Variants in ZNF536 observed in about 807,000 individuals in gnomAD.
ZNF536 encodes zinc finger protein 536.
In ZNF536, 13 loss-of-function variants were observed where a neutral mutation model predicts 84.5. That is an observed-to-expected ratio of 0.15 (90% CI 0.10 to 0.24). The LOEUF is 0.24. ZNF536 is among the 10% of genes least tolerant of loss of function. The probability of loss-of-function intolerance (pLI) is 1.00; values close to 1 mark genes in which losing one functional copy is unlikely to be tolerated. For synonymous variants in ZNF536, 811 were observed against 742.5 expected (o/e 1.09, Z -1.50); for missense variants, 1,536 against 1,747.5 (o/e 0.88, Z 2.16).
At chr19:30,496,859 A>AG (rs1424500229) in intron 2 of ZNF536, among the ~76,000 whole-genome samples, 7 of 151,934 alleles carry the variant, frequency 4.6e-5, no homozygotes, top group Admixed American at 2.0e-4. Context: ...ACGAGGGGCG[A>AG]GGGGCACTGT....
chr19:30,262,002 G>A (rs1453881798), intron 1 of ZNF536, among the ~76,000 whole-genome samples: 4 of 152,160 alleles, frequency 2.6e-5, no homozygotes, highest in Admixed American at 2.0e-4. Flanking sequence ...GCACTTCTGC[G>A]TCTCATTGGC....
chr19:30,307,806 ATTTT>A (rs1411612372), intron 2 of ZNF536, among the ~76,000 whole-genome samples: 1 of 152,022 alleles, frequency 6.6e-6, no homozygotes, highest in African/African-American at 2.4e-5. Context: ...GGTGCCTGAC[ATTTT>A]CTTCTCACTG....
intron 1 of ZNF536, among the ~76,000 whole-genome samples, chr19:30,704,647 CAAAAAAAAA>C (rs970475752): frequency 3.7e-5 from 2 of 53,470 alleles, no homozygotes; most frequent in Non-Finnish European, 7.0e-5. Context: ...GAGTCCATCT[CAAAAAAAAA>C]AAAAAAAAAA....
intron 4 of ZNF536, among the ~76,000 whole-genome samples, chr19:30,553,740 G>T: frequency 6.6e-6 from 1 of 152,234 alleles, no homozygotes; most frequent in Non-Finnish European, 1.5e-5. Flanking sequence ...TGAGGCAGGG[G>T]CGTTGCATAA....
intron 1 of ZNF536, among the ~76,000 whole-genome samples, chr19:30,700,564 T>A (rs2051897796): frequency 6.6e-6 from 1 of 151,924 alleles, no homozygotes; most frequent in Non-Finnish European, 1.5e-5. Flanking sequence ...ATTTTAAAAT[T>A]TTTGTAGGGA....
rs79221859 is a variant in ZNF536 at position 30,477,548 on chromosome 19, G to A, written c.2170+31816G>A. ...TAAGCAGAAATTTCTGCTTTGTGGC[G>A]TGAAGAAAGCAGAGTATTCCAGCAG... On this transcript the variant is annotated intron_variant, in intron 2 of 4. Transcript: ENST00000355537. 7.3e-3 allele frequency among the ~76,000 whole-genome samples: 1,108 copies of A among 152,274 alleles called. 9 individuals are homozygous for A. Among genetic ancestry groups the A allele is most frequent in the African/African-American group, 0.025 (1,028 of 41,530 alleles).
chr19:30,453,285 G>A (rs938571846), intron 2 of ZNF536, among the ~76,000 whole-genome samples: 1 of 152,180 alleles, frequency 6.6e-6, no homozygotes, highest in African/African-American at 2.4e-5. Context: ...GGTTTCCCTG[G>A]GAGCCAGGTA....
chr19:30,344,828 G>A (rs1375736903), intron 2 of ZNF536, among the ~76,000 whole-genome samples: 3 of 152,286 alleles, frequency 2.0e-5, no homozygotes, highest in South Asian at 2.1e-4. Flanking sequence ...GTCAGACAGC[G>A]AGACAGTGAC....
intron 1 of ZNF536, among the ~76,000 whole-genome samples, chr19:30,417,791 G>A (rs1419093810): frequency 6.6e-6 from 1 of 152,138 alleles, no homozygotes; most frequent in Non-Finnish European, 1.5e-5. Context: ...ACAGGGTCTT[G>A]CTCTATTGCC....
intron 1 of ZNF536, among the ~76,000 whole-genome samples, chr19:30,283,742 G>GGAGA (rs3085764): frequency 2.3e-4 from 33 of 146,644 alleles, no homozygotes; most frequent in Non-Finnish European, 2.6e-4. Flanking sequence ...AGAGAGAGAG[G>GGAGA]GAGAGAGAGA....
At chr19:30,406,378 A>G (rs956957465) in intron 1 of ZNF536, among the ~76,000 whole-genome samples, 3 of 152,126 alleles carry the variant, frequency 2.0e-5, no homozygotes, top group African/African-American at 7.2e-5. Flanking sequence ...TTAATTTGCC[A>G]TGGTCATGGG....
chr19:30,243,534 A>G (rs1394711795), intron 1 of ZNF536, among the ~76,000 whole-genome samples: 2 of 152,240 alleles, frequency 1.3e-5, no homozygotes, highest in Non-Finnish European at 2.9e-5. Context: ...TAATCATGAA[A>G]ACTGACACGA....
chr19:30,677,568 C>T (rs993421841), intron 1 of ZNF536, among the ~76,000 whole-genome samples: 1 of 152,218 alleles, frequency 6.6e-6, no homozygotes, highest in South Asian at 2.1e-4. Context: ...AGCAAAATGT[C>T]CCCCGGGGAC....
intron 2 of ZNF536, among the ~76,000 whole-genome samples, chr19:30,471,425 GA>G (rs1353111130): frequency 3.3e-5 from 5 of 152,232 alleles, no homozygotes; most frequent in Admixed American, 3.3e-4. Flanking sequence ...GGCAGAAATA[GA>G]ACATTAAACC....
chr19:30,246,337 T>A (rs1179159154), intron 1 of ZNF536, among the ~76,000 whole-genome samples: 3 of 152,112 alleles, frequency 2.0e-5, no homozygotes, highest in African/African-American at 7.2e-5. Flanking sequence ...TGCAGAAAAA[T>A]AAAAGACGGT....
intron 1 of ZNF536, among the ~76,000 whole-genome samples, chr19:30,639,025 T>C (rs2049172127): frequency 6.6e-6 from 1 of 152,238 alleles, no homozygotes; most frequent in African/African-American, 2.4e-5. Context: ...TATTCTAAAG[T>C]CTGTAACTCT....
chr19:30,676,578 A>G (rs1311499096), intron 1 of ZNF536, among the ~76,000 whole-genome samples: 1 of 152,242 alleles, frequency 6.6e-6, no homozygotes, highest in Non-Finnish European at 1.5e-5. Context: ...TAGATTTTAA[A>G]TCATTTTTAC....
chr19:30,670,621 G>T (rs2050511614), intron 1 of ZNF536, among the ~76,000 whole-genome samples: 1 of 152,340 alleles, frequency 6.6e-6, no homozygotes, highest in Admixed American at 6.5e-5. Flanking sequence ...TCCAAAGAGA[G>T]TTTCATTTGG....
intron 2 of ZNF536, among the ~76,000 whole-genome samples, chr19:30,292,948 T>C (rs2045888599): frequency 6.6e-6 from 1 of 152,222 alleles, no homozygotes; most frequent in African/African-American, 2.4e-5. Flanking sequence ...CTTCTTGCAT[T>C]AAAACAGTGA....
Sources: allele counts gnomAD v4.1 joint callset (sites outside exome capture counted in the v4.1 genomes callset), GRCh38; gene constraint gnomAD v4.1.1; transcripts MANE v1.5; gene names NCBI Gene and HGNC (gene_info 2026-07-23, HGNC 2026-07-21).